The following QKI variants were observed in gnomAD, a reference collection of about 807,000 sequenced individuals.
The protein encoded by QKI is KH domain-containing RNA-binding protein QKI.
In QKI, 10 loss-of-function variants were observed where a neutral mutation model predicts 39.0. The ratio of observed to expected loss-of-function variants is 0.26; its 90% CI spans 0.16 to 0.43. The LOEUF is 0.43. Among genes scored for constraint, QKI ranks in the 20% least tolerant of loss-of-function variants. The pLI, the probability that QKI is intolerant of heterozygous loss-of-function variation, is 1.00. For synonymous variants in QKI, 204 were observed against 155.4 expected (o/e 1.31, Z -2.33); for missense variants, 218 against 428.0 (o/e 0.51, Z 4.33).
At chr6:163,567,704 A>G (rs1458822503) in intron 7 of QKI, 2 of 984,072 alleles carry the variant, frequency 2.0e-6, no homozygotes, top group African/African-American at 1.7e-5. Flanking sequence ...ATCACAAGAT[A>G]GGAATATCAA....
At chr6:163,500,202 C>T (rs545579824) in intron 3 of QKI, among the ~76,000 whole-genome samples, 1 of 152,114 alleles carries the variant, frequency 6.6e-6, no homozygotes, top group Admixed American at 6.5e-5. Flanking sequence ...ATTGGAAGTA[C>T]CAGGAAGTCA....
chr6:163,457,390 C>T (rs1167544915), intron 2 of QKI: 1 of 456,046 alleles, frequency 2.2e-6, no homozygotes, highest in Non-Finnish European at 4.4e-6. Flanking sequence ...GTTGTGACTT[C>T]TTGCCACGGT....
chr6:163,443,717 G>A (rs1228637705), intron 1 of QKI, among the ~76,000 whole-genome samples: 2 of 152,220 alleles, frequency 1.3e-5, no homozygotes, highest in Non-Finnish European at 2.9e-5. Context: ...TGGTATTAAG[G>A]TGATACTGAG....
chr6:163,482,418 G>A (rs992926631), intron 3 of QKI, among the ~76,000 whole-genome samples: 3 of 152,168 alleles, frequency 2.0e-5, no homozygotes, highest in East Asian at 3.9e-4. Context: ...CCATCTGAAT[G>A]TCCTCTAATT....
intron 2 of QKI, among the ~76,000 whole-genome samples, chr6:163,465,615 C>CG (rs1791678640): frequency 8.4e-6 from 1 of 119,516 alleles, no homozygotes; most frequent in African/African-American, 3.4e-5. Flanking sequence ...GGCAACAGAG[C>CG]AAGACTGTCT....
At chr6:163,538,888 C>CT (rs1455438430) in intron 4 of QKI, among the ~76,000 whole-genome samples, 4 of 152,060 alleles carry the variant, frequency 2.6e-5, no homozygotes, top group Non-Finnish European at 5.9e-5. Flanking sequence ...TTTATTTACA[C>CT]TTTTACAAGA....
At chr6:163,568,375 G>A (rs940936216) in intron 7 of QKI, 2 of 985,470 alleles carry the variant, frequency 2.0e-6, no homozygotes, top group African/African-American at 1.7e-5. Flanking sequence ...ACATATTTTA[G>A]GAAGATTTTA....
intron 7 of QKI, chr6:163,569,332 G>A (rs1265844297): frequency 8.9e-7 from 1 of 1,119,994 alleles, no homozygotes; most frequent in African/African-American, 1.7e-5. Context: ...CCATTATTTT[G>A]GATCATTTAA....
At chr6:163,462,570 A>T (rs1027066034) in intron 2 of QKI, among the ~76,000 whole-genome samples, 1 of 152,246 alleles carries the variant, frequency 6.6e-6, no homozygotes, top group African/African-American at 2.4e-5. Context: ...GCATATAAAT[A>T]GTATAAATTT....
At chr6:163,495,007 C>T (rs1160119105) in intron 3 of QKI, among the ~76,000 whole-genome samples, 1 of 151,940 alleles carries the variant, frequency 6.6e-6, no homozygotes, top group Non-Finnish European at 1.5e-5. Flanking sequence ...CCTCTGCCTC[C>T]TGGGTTCAGG....
At chr6:163,480,496 T>C (rs1792994303) in intron 3 of QKI, among the ~76,000 whole-genome samples, 2 of 152,164 alleles carry the variant, frequency 1.3e-5, no homozygotes, top group Admixed American at 1.3e-4. Flanking sequence ...TCATTTTTGC[T>C]CCTCATCAAT....
At chr6:163,529,134 A>G (rs568433814) in intron 3 of QKI, among the ~76,000 whole-genome samples, 46 of 152,350 alleles carry the variant, frequency 3.0e-4, no homozygotes, top group African/African-American at 1.1e-3. Flanking sequence ...TAGAAGTAAG[A>G]GAACAAGAAA....
chr6:163,500,693 A>C (rs1308438166), intron 3 of QKI, among the ~76,000 whole-genome samples: 1 of 152,222 alleles, frequency 6.6e-6, no homozygotes, highest in Non-Finnish European at 1.5e-5. Flanking sequence ...AAATTTAAAT[A>C]AACAACTGAA....
chr6:163,432,473 A>G (rs1018552442), intron 1 of QKI, among the ~76,000 whole-genome samples: 2 of 150,734 alleles, frequency 1.3e-5, no homozygotes, highest in African/African-American at 2.4e-5. Context: ...AGCTCACTGC[A>G]TCCTCTAACT....
chr6:163,462,823 C>G (rs1026684066), intron 2 of QKI, among the ~76,000 whole-genome samples: 2 of 152,092 alleles, frequency 1.3e-5, no homozygotes, highest in Non-Finnish European at 2.9e-5. Flanking sequence ...TGAACTCAGG[C>G]AATGGCAGTT....
At chr6:163,496,905 AC>A (rs575923510) in intron 3 of QKI, among the ~76,000 whole-genome samples, 72 of 152,152 alleles carry the variant, frequency 4.7e-4, no homozygotes, top group Non-Finnish European at 6.0e-4. Flanking sequence ...TTTTCATCTT[AC>A]CATCAACAGC....
chr6:163,494,922 TA>T (rs1271795862), intron 3 of QKI, among the ~76,000 whole-genome samples: 105 of 145,368 alleles, frequency 7.2e-4, no homozygotes, highest in African/African-American at 2.6e-3. Context: ...TTTATTTATT[TA>T]TTTTTTTTTT....
chr6:163,418,973 AAAT>A (rs1787772448), intron 1 of QKI, among the ~76,000 whole-genome samples: 1 of 152,176 alleles, frequency 6.6e-6, no homozygotes, highest in African/African-American at 2.4e-5. Flanking sequence ...GGGAAATAAA[AAAT>A]GTGTAATGAG....
intron 1 of QKI, chr6:163,423,734 TA>T (rs1208893753): frequency 6.6e-6 from 1 of 152,252 alleles, no homozygotes; most frequent in Non-Finnish European, 1.5e-5. Context: ...AAGCCATTTT[TA>T]GAGGATTTCA....
Sources: gnomAD v4.1 joint callset for allele counts (sites outside exome capture counted in the v4.1 genomes callset) on GRCh38, gnomAD v4.1.1 for gene constraint, MANE v1.5 for transcripts, NCBI Gene and HGNC (gene_info 2026-07-23, HGNC 2026-07-21) for gene names.